The following KREMEN1 variants were observed in gnomAD, a reference collection of about 807,000 sequenced individuals.
KREMEN1 encodes the protein kremen protein 1.
KREMEN1 carries 30 observed loss-of-function variants against 46.5 expected under a neutral mutation model. The observed-to-expected ratio is 0.65, with a 90% CI of 0.48 to 0.88. The LOEUF is 0.88. KREMEN1 is among the 40% of genes least tolerant of loss of function. The probability of loss-of-function intolerance (pLI) is 0.00; values close to 1 mark genes in which losing one functional copy is unlikely to be tolerated. For missense variants in KREMEN1, 533 were observed against 596.9 expected (o/e 0.89, Z 1.11); for synonymous variants, 214 against 230.6 (o/e 0.93, Z 0.65).
Position 29,143,983 on chromosome 22 carries a change from G to T in KREMEN1, c.*1871G>T. 3.0e-6 allele frequency: 3 copies of T among 985,470 alleles called. No homozygotes were observed. The highest frequency in any genetic ancestry group is 3.6e-6 in the Non-Finnish European group (3 of 829,966). 61.0% of individuals were successfully genotyped at this position (985,470 alleles called of 1,614,324 possible). A position where few individuals can be genotyped will look rare whatever the true frequency, so the allele number is the denominator to read the frequency against. On this transcript the variant is annotated 3_prime_UTR_variant, in exon 9 of 9. Transcript: ENST00000400335. Reference sequence around the variant, plus strand: ...GAGTGCTGCAGCTGTAGTGGCTGCTGGTTGGGAGAGTAAGTGCCATCACTA... The same window carrying T: ...GAGTGCTGCAGCTGTAGTGGCTGCTTGTTGGGAGAGTAAGTGCCATCACTA...
chr22:29,138,533 G>A (rs1392502825), intron 6 of KREMEN1, 91 bp from the exon 7 acceptor site: 3 of 1,312,172 alleles, frequency 2.3e-6, no homozygotes, highest in Non-Finnish European at 2.2e-6. Context: ...AATCAGAGAA[G>A]AACTCTTCTT....
chr22:29,163,564 A>G (rs773812612), intron 9 of KREMEN1, among the ~76,000 whole-genome samples: 1 of 151,906 alleles, frequency 6.6e-6, no homozygotes, highest in Non-Finnish European at 1.5e-5. Context: ...TTTAGTAGAG[A>G]CAGGGTTTCA....
At chr22:29,115,444 A>AC (rs35967716) in intron 3 of KREMEN1, among the ~76,000 whole-genome samples, 73,796 of 142,824 alleles carry the variant, frequency 0.52, 18,465 homozygotes, top group Middle Eastern at 0.65. Context: ...ATAAAAAAAA[A>AC]AAAAACCAGA....
chr22:29,073,259 T>A lies in KREMEN1; in HGVS notation c.97+32T>A. 9.9e-7 allele frequency: 1 copy of A among 1,007,962 alleles called. No homozygotes were observed. The allele number at this position is 1,007,962 out of a possible 1,614,324, so 62.4% of individuals were successfully genotyped here. A position where few individuals can be genotyped will look rare whatever the true frequency, so the allele number is the denominator to read the frequency against. ...GTGAGCGACCCCCCGCCGCCCGCCC[T>A]GAGCGGAGCCCACTCGAGGGGCGAC... is the stretch of plus-strand genomic sequence containing the variant. On this transcript the variant is annotated intron_variant, in intron 1 of 8. Coordinates refer to ENST00000400335, the MANE Select transcript of KREMEN1 (RefSeq NM_001039570.3). This position sits in a 1 kb window ranked among gnomAD's most constrained non-coding sequence, Gnocchi z 4.4.
intron 8 of KREMEN1, among the ~76,000 whole-genome samples, chr22:29,141,077 C>G (rs12167060): frequency 0.18 from 27,030 of 152,168 alleles, 2,550 homozygotes; most frequent in African/African-American, 0.2. Context: ...TTTTTCCTGA[C>G]CGTCTCACTT....
chr22:29,157,306 A>G (rs2038971552), intron 9 of KREMEN1, among the ~76,000 whole-genome samples: 1 of 152,198 alleles, frequency 6.6e-6, no homozygotes, highest in African/African-American at 2.4e-5. Flanking sequence ...CCCAGAGAGC[A>G]GAATTCGTGT....
chr22:29,155,156 G>T (rs1192714046), intron 9 of KREMEN1, among the ~76,000 whole-genome samples: 1 of 151,768 alleles, frequency 6.6e-6, no homozygotes, highest in Admixed American at 6.6e-5. Context: ...GGAAATATAT[G>T]TATGTGTATA....
At chr22:29,167,647 A>G (rs2039065172) in exon 10 of KREMEN1, 1 of 153,446 alleles carries the variant, frequency 6.5e-6, no homozygotes, top group South Asian at 2.0e-4. Context: ...ATCAGCAGTC[A>G]CCATGGTCTA....
At chr22:29,139,692 GA>G (rs1329424004) in intron 7 of KREMEN1, among the ~76,000 whole-genome samples, 1 of 152,238 alleles carries the variant, frequency 6.6e-6, no homozygotes, top group Non-Finnish European at 1.5e-5. Context: ...AGGATTGCTT[GA>G]GCCCAGGAGC....
Position 29,143,281 on chromosome 22 carries a change from A to G in KREMEN1, c.*1169A>G, listed in dbSNP as rs929313127. 6.1e-6 allele frequency: 6 copies of G among 985,306 alleles called. No individual in the cohort carries two copies. The highest frequency in any genetic ancestry group is 5.2e-5 in the African/African-American group (3 of 57,244). 61.0% of individuals were successfully genotyped at this position (985,306 alleles called of 1,614,324 possible). A position where few individuals can be genotyped will look rare whatever the true frequency, so the allele number is the denominator to read the frequency against. ...TATCAGCCTTGCCACTGAGCAGCTCATGGTCCTATGGAACCTGAGCCAGGC... is the reference window on the plus strand; with the variant it reads ...TATCAGCCTTGCCACTGAGCAGCTCGTGGTCCTATGGAACCTGAGCCAGGC... On this transcript the variant is annotated 3_prime_UTR_variant, in exon 9 of 9. Transcript: ENST00000400335.
At chr22:29,094,778 C>T (rs1015650874) in intron 2 of KREMEN1, among the ~76,000 whole-genome samples, 2 of 152,220 alleles carry the variant, frequency 1.3e-5, no homozygotes, top group African/African-American at 4.8e-5. Context: ...CGCCCGCCAA[C>T]ACGCCCGGCT....
intron 9 of KREMEN1, among the ~76,000 whole-genome samples, chr22:29,152,365 A>T (rs2038921660): frequency 6.6e-6 from 1 of 152,142 alleles, no homozygotes; most frequent in Non-Finnish European, 1.5e-5. Flanking sequence ...AATTATAACC[A>T]ATTTGCCACC....
chr22:29,160,316 A>C (rs1260640059), intron 9 of KREMEN1, among the ~76,000 whole-genome samples: 1 of 151,594 alleles, frequency 6.6e-6, no homozygotes, highest in African/African-American at 2.4e-5. Flanking sequence ...GGATCACTTG[A>C]GGTCAGGAGT....
At chr22:29,088,299 G>A (rs552954276) in intron 1 of KREMEN1, among the ~76,000 whole-genome samples, 53 of 117,646 alleles carry the variant, frequency 4.5e-4, no homozygotes, top group African/African-American at 1.3e-3. Context: ...ACGCGTGCAC[G>A]CGTGCATACA....
chr22:29,087,856 C>T (rs1423169930), intron 1 of KREMEN1, among the ~76,000 whole-genome samples: 2 of 152,188 alleles, frequency 1.3e-5, no homozygotes, highest in Non-Finnish European at 2.9e-5. Flanking sequence ...TGAGCCACCA[C>T]GCCCAGCCAA....
intron 9 of KREMEN1, among the ~76,000 whole-genome samples, chr22:29,161,399 T>C (rs1049230145): frequency 4.7e-5 from 7 of 148,408 alleles, no homozygotes; most frequent in Non-Finnish European, 8.9e-5. Context: ...CCCAACTACT[T>C]GGGAGGCTGA....
intron 3 of KREMEN1, among the ~76,000 whole-genome samples, chr22:29,120,195 A>G (rs2038317037): frequency 8.5e-6 from 1 of 117,294 alleles, no homozygotes; most frequent in Non-Finnish European, 1.8e-5. Context: ...TGAAGGAAAC[A>G]GGGAGGAGGG....
chr22:29,105,590 A>G (rs1175797974), intron 3 of KREMEN1, among the ~76,000 whole-genome samples: 1 of 152,074 alleles, frequency 6.6e-6, no homozygotes, highest in Non-Finnish European at 1.5e-5. Context: ...AGGTCTGAGA[A>G]GTACACAGGG....
intron 9 of KREMEN1, among the ~76,000 whole-genome samples, chr22:29,160,333 C>G (rs573805165): frequency 6.6e-6 from 1 of 151,154 alleles, no homozygotes; most frequent in South Asian, 2.1e-4. Context: ...GAGTTCGAGA[C>G]CAGCCTGCCC....
Sources: allele counts gnomAD v4.1 joint callset (sites outside exome capture counted in the v4.1 genomes callset), GRCh38; gene constraint gnomAD v4.1.1; non-coding constraint Gnocchi (gnomAD v3.1); transcripts MANE v1.5; gene names NCBI Gene and HGNC (gene_info 2026-07-23, HGNC 2026-07-21).